The following INTS6L variants were observed in gnomAD, a reference collection of about 807,000 sequenced individuals.
The protein encoded by INTS6L is integrator complex subunit 6-like.
A neutral mutation model predicts 64.7 loss-of-function variants in INTS6L; 18 were observed. The observed-to-expected ratio is 0.28, with a 90% CI of 0.19 to 0.41. INTS6L has a LOEUF of 0.41. Ranked by LOEUF, INTS6L falls within the 10% of genes least tolerant of loss-of-function variation. INTS6L has a pLI of 1.00. For missense variants in INTS6L, 533 were observed against 661.0 expected (o/e 0.81, Z 2.12); for synonymous variants, 227 against 235.9 (o/e 0.96, Z 0.34).
intron 9 of INTS6L, among the ~76,000 whole-genome samples, chrX:135,566,262 C>A (rs968779458): frequency 6.6e-4 from 74 of 112,093 alleles, no homozygotes; most frequent in African/African-American, 2.3e-3. Flanking sequence ...TGAGTTAATA[C>A]AGTTAAATTG....
In INTS6L at chrX:135,520,757, G is replaced by C; in HGVS notation, c.-236G>C. ...GCAGCAGAAGAGAGGAAGGGGGAGG[G>C]CCCCGAGGGCTACACACGCTCACAC... is the stretch of plus-strand genomic sequence containing the variant. On this transcript the variant is annotated 5_prime_UTR_variant, in exon 1 of 18. Transcript: ENST00000639893. The C allele has an allele frequency of 2.6e-6, 1 of 384,890 alleles. No homozygotes were observed. Among genetic ancestry groups the C allele is most frequent in the Non-Finnish European group, 4.5e-6 (1 of 220,763 alleles). The allele number at this position is 384,890 out of a possible 1,213,427, so 31.7% of individuals were successfully genotyped here. A position where few individuals can be genotyped will look rare whatever the true frequency, so the allele number is the denominator to read the frequency against.
chrX:135,535,215 A>G (rs920393875), intron 2 of INTS6L, among the ~76,000 whole-genome samples: 4 of 111,668 alleles, frequency 3.6e-5, no homozygotes, highest in Non-Finnish European at 7.5e-5. Flanking sequence ...TCTTATAATG[A>G]TATAATGTAT....
At chrX:135,540,490 CCTTAG>C (rs1157073507) in intron 2 of INTS6L, among the ~76,000 whole-genome samples, 1 of 110,974 alleles carries the variant, frequency 9.0e-6, no homozygotes, top group Non-Finnish European at 1.9e-5. Flanking sequence ...GATAATAAAC[CCTTAG>C]CTTAGGATTC....
In INTS6L at chrX:135,576,607, C is replaced by G. The variant is rs1320439083; in HGVS notation, c.1885-586C>G. Among the ~76,000 whole-genome samples, 3 of 111,142 alleles carry G rather than the reference C, an allele frequency of 2.7e-5. No homozygotes were observed. In the Admixed American group the frequency reaches 2.9e-4, roughly 11 times the overall value. On this transcript the variant is annotated intron_variant, in intron 14 of 17. Transcript: ENST00000639893. Reference sequence around the variant, plus strand: ...TGCCTCTCATCTTTTATCTATCCCCCCAAGAGTGAAAAGCCTCCTCACTGC... The same window carrying G: ...TGCCTCTCATCTTTTATCTATCCCCGCAAGAGTGAAAAGCCTCCTCACTGC...
At chrX:135,537,070 C>G (rs1409498441) in intron 2 of INTS6L, among the ~76,000 whole-genome samples, 1 of 112,096 alleles carries the variant, frequency 8.9e-6, no homozygotes, top group African/African-American at 3.2e-5. Context: ...TTCCTGTTTG[C>G]AAACCAACCA....
At chrX:135,574,954 C>A in intron 13 of INTS6L, 130 bp from the exon 14 acceptor site, 1 of 642,012 alleles carries the variant, frequency 1.6e-6, no homozygotes, top group Non-Finnish European at 2.3e-6. Context: ...TCCTAGAATG[C>A]TAGATTCGAG....
chrX:135,549,740 G>T lies in INTS6L; in HGVS notation c.841G>T (p.Gly281Cys), dbSNP rs1199284852. The T allele has an allele frequency of 7.4e-6, 9 of 1,210,670 alleles. No individual in the cohort carries two copies. In the African/African-American group the frequency reaches 1.6e-4, roughly 21 times the overall value. ...LIYVRPNSKT[G>C]VPVGHWPIPE... ...TTATGTACGACCTAACTCTAAAACT[G>T]GTGTTCCTGTTGGACATTGGCCAAT... The change falls in exon 7 of 18, where the codon GGT becomes TGT. Residue 281 changes from glycine (G) to cysteine (C), a missense_variant. By Grantham distance (159) the Gly-to-Cys change is radical. Coordinates refer to ENST00000639893, the MANE Select transcript of INTS6L (RefSeq NM_001351601.3).
chrX:135,525,038 T>C (rs1431522218), intron 2 of INTS6L, among the ~76,000 whole-genome samples: 2 of 112,596 alleles, frequency 1.8e-5, no homozygotes, highest in Non-Finnish European at 3.8e-5. Context: ...TGAAACCCTG[T>C]TTAACATTTA....
intron 2 of INTS6L, among the ~76,000 whole-genome samples, chrX:135,544,750 T>C (rs1164061142): frequency 2.7e-5 from 3 of 112,381 alleles, no homozygotes; most frequent in African/African-American, 6.5e-5. Context: ...GCATGTTGGC[T>C]GTTGACCTTG....
chrX:135,566,279 A>G (rs1556524798), intron 9 of INTS6L, among the ~76,000 whole-genome samples: 1 of 112,320 alleles, frequency 8.9e-6, no homozygotes, highest in Non-Finnish European at 1.9e-5. Context: ...ATTGTTTAGA[A>G]CTTGCCTGGC....
chrX:135,535,264 T>C (rs2086023739), intron 2 of INTS6L, among the ~76,000 whole-genome samples: 1 of 112,045 alleles, frequency 8.9e-6, no homozygotes, highest in Admixed American at 9.4e-5. Flanking sequence ...ACCTCCTTTA[T>C]AGGTGTGCTA....
chrX:135,549,918 G>C (rs2086455138), intron 7 of INTS6L, 113 bp downstream of exon 7: 17 of 850,593 alleles, frequency 2.0e-5, no homozygotes, highest in Non-Finnish European at 2.7e-5. Flanking sequence ...AGGCAAGTAA[G>C]TCTTCCCTCC....
rs782045651 is a variant in INTS6L at position 135,574,037 on chromosome X, C to G, written c.1716C>G (p.His572Gln). ...TGAGATCCAATCTGCTGAAAACGCA[C>G]AAGTTTATTGTTGGACAAGATGAAG... ...TRMRSNLLKT[H>Q]KFIVGQDEDS... The change falls in exon 13 of 18, where the codon CAC becomes CAG. Residue 572 changes from histidine (H) to glutamine (Q), a missense_variant. By Grantham distance (24) the His-to-Gln change is conservative. Transcript: ENST00000639893. 7 of 1,196,618 alleles carry G rather than the reference C, an allele frequency of 5.8e-6. No homozygotes were observed. The South Asian group carries it at 1.3e-4, about 22-fold the overall frequency.
intron 9 of INTS6L, among the ~76,000 whole-genome samples, chrX:135,564,336 T>C (rs543055762): frequency 2.7e-5 from 3 of 111,907 alleles, no homozygotes; most frequent in African/African-American, 9.7e-5. Flanking sequence ...AGCCTGCTCA[T>C]ATTATTTTTT....
At chrX:135,569,005 C>G (rs1602991119) in intron 9 of INTS6L, among the ~76,000 whole-genome samples, 1 of 111,954 alleles carries the variant, frequency 8.9e-6, no homozygotes, top group African/African-American at 3.2e-5. Context: ...AACCAGTGAC[C>G]ATGGATTGCC....
chrX:135,546,352 G>A, intron 3 of INTS6L, 28 bp from the exon 4 acceptor site: 1 of 949,800 alleles, frequency 1.1e-6, no homozygotes, highest in Non-Finnish European at 1.4e-6. Flanking sequence ...ACTTTACATG[G>A]CTCTAATGCT....
chrX:135,550,139 A>G (rs1215883493), intron 7 of INTS6L, among the ~76,000 whole-genome samples: 3 of 112,419 alleles, frequency 2.7e-5, no homozygotes, highest in African/African-American at 9.7e-5. Flanking sequence ...GGCAAACACA[A>G]CGTCTAAAAT....
At chrX:135,560,529 T>C (rs1190307605) in intron 9 of INTS6L, among the ~76,000 whole-genome samples, 1 of 112,434 alleles carries the variant, frequency 8.9e-6, no homozygotes, top group Admixed American at 9.4e-5. Context: ...ATAATGCTTT[T>C]GTAGATTTTC....
At chrX:135,557,874 C>T (rs1300426374) in intron 9 of INTS6L, among the ~76,000 whole-genome samples, 2 of 111,986 alleles carry the variant, frequency 1.8e-5, no homozygotes, top group East Asian at 2.8e-4. Flanking sequence ...TAGGAGAAAA[C>T]ATTTGCAAAT....
Sources: gnomAD v4.1 joint callset for allele counts (sites outside exome capture counted in the v4.1 genomes callset) on GRCh38, gnomAD v4.1.1 for gene constraint, MANE v1.5 for transcripts, NCBI Gene and HGNC (gene_info 2026-07-23, HGNC 2026-07-21) for gene names.